The following USP20 variants were observed in gnomAD, a reference collection of about 807,000 sequenced individuals.
USP20 encodes the protein ubiquitin specific peptidase 20, also known as ubiquitin carboxyl-terminal hydrolase 20.
In USP20, 80 loss-of-function variants were observed where a neutral mutation model predicts 124.2. The ratio of observed to expected loss-of-function variants is 0.64; its 90% CI spans 0.54 to 0.78. The LOEUF is 0.78. Ranked by LOEUF, USP20 falls within the 30% of genes least tolerant of loss-of-function variation. The probability of loss-of-function intolerance (pLI) is 0.00; values close to 1 mark genes in which losing one functional copy is unlikely to be tolerated. For missense variants in USP20, 1,043 were observed against 1,244.4 expected (o/e 0.84, Z 2.44); for synonymous variants, 481 against 512.3 (o/e 0.94, Z 0.83).
chr9:129,861,171 T>C, intron 7 of USP20, 138 bp downstream of exon 7: 1 of 830,614 alleles, frequency 1.2e-6, no homozygotes, highest in East Asian at 2.5e-5. Flanking sequence ...ATAAGCTGTT[T>C]AGCATGGTGG....
At chr9:129,870,218 C>G in intron 14 of USP20, 1 of 580,502 alleles carries the variant, frequency 1.7e-6, no homozygotes, top group South Asian at 2.1e-5. Context: ...GTAGCATGAT[C>G]ATGGCCGCAA....
intron 22 of USP20, among the ~76,000 whole-genome samples, chr9:129,876,945 T>A (rs1169233965): frequency 6.6e-6 from 1 of 152,018 alleles, no homozygotes; most frequent in Non-Finnish European, 1.5e-5. Flanking sequence ...TTGCCCAGGG[T>A]CCCCTGGGGT....
rs563244905 is a variant in USP20, at chr9:129,855,357, G to A, written c.82-950G>A. On this transcript the variant is annotated intron_variant, in intron 3 of 25. Transcript: ENST00000372429. ...AAGGCAGGAGAATGGCGTGAACCCC[G>A]GAGGCGGAGTTTGCAGTGAGCCGAG... is the stretch of plus-strand genomic sequence containing the variant. Among the ~76,000 whole-genome samples, 6 of 151,988 alleles carry A rather than the reference G, an allele frequency of 3.9e-5. No homozygotes were observed. The South Asian group carries it at 6.2e-4, about 16-fold the overall frequency.
chr9:129,850,702 C>T (rs1564200218), intron 2 of USP20, among the ~76,000 whole-genome samples: 1 of 152,058 alleles, frequency 6.6e-6, no homozygotes, highest in African/African-American at 2.4e-5. Context: ...GTTGCCTAGG[C>T]TGCGGTTCAA....
At chr9:129,852,692 G>T in intron 3 of USP20, 56 bp downstream of exon 3, 1 of 1,516,568 alleles carries the variant, frequency 6.6e-7, no homozygotes, top group East Asian at 2.4e-5. Context: ...CCTCTTTCCT[G>T]GGGTGTGGAC....
intron 1 of USP20, among the ~76,000 whole-genome samples, chr9:129,848,443 C>T (rs2032711661): frequency 6.6e-6 from 1 of 152,076 alleles, no homozygotes; most frequent in Non-Finnish European, 1.5e-5. Flanking sequence ...TGATTTTTCT[C>T]TCTGAAGTTG....
chr9:129,877,770 G>T (rs1460788471), intron 22 of USP20, among the ~76,000 whole-genome samples: 1 of 152,060 alleles, frequency 6.6e-6, no homozygotes, highest in Non-Finnish European at 1.5e-5. Flanking sequence ...CTATTCAACC[G>T]GAGAAAATTA....
chr9:129,855,173 T>A (rs2033145964), intron 3 of USP20, among the ~76,000 whole-genome samples: 1 of 152,212 alleles, frequency 6.6e-6, no homozygotes, highest in African/African-American at 2.4e-5. Context: ...GGCTCACGCC[T>A]GTAATCCCAG....
intron 19 of USP20, 107 bp downstream of exon 19, chr9:129,875,062 A>G (rs967709972): frequency 6.8e-7 from 1 of 1,470,748 alleles, no homozygotes; most frequent in Non-Finnish European, 9.0e-7. Flanking sequence ...TAAGCCAGGG[A>G]AGTAAGGACT....
At chr9:129,867,121 T>C (rs767362005) in intron 10 of USP20, among the ~76,000 whole-genome samples, 2 of 152,170 alleles carry the variant, frequency 1.3e-5, no homozygotes, top group Non-Finnish European at 2.9e-5. Context: ...GGTCAGGGAC[T>C]GCTGGGGCTG....
At chr9:129,865,789 G>C (rs10217216) in intron 10 of USP20, among the ~76,000 whole-genome samples, 133,388 of 152,068 alleles carry the variant, frequency 0.88, 58,890 homozygotes, top group East Asian at 1. Flanking sequence ...CTCAGGCTCC[G>C]AAAGTGCTGT....
rs554566710 is a variant in USP20, at chr9:129,875,373, G to A, written c.2112G>A (p.Glu704=). The A allele has an allele frequency of 4.4e-5, 71 of 1,613,204 alleles. No homozygotes were observed. The South Asian group carries it at 7.4e-4, about 17-fold the overall frequency. Residue 704 remains glutamate (E), a synonymous_variant, in exon 20 of 26, where the codon GAG becomes GAA. Transcript: ENST00000372429. The part of the protein sequence containing the change: ...QQVVSLAAMR[E]PSLLRFYVSR... The stretch of plus-strand genomic sequence containing the variant: ...TGGTGTCCCTGGCCGCCATGCGGGA[G>A]CCCAGCCTGCTGCGGTTCTACGTGT...
At chr9:129,871,975 C>T (rs4837423) in intron 15 of USP20, among the ~76,000 whole-genome samples, 129,733 of 152,174 alleles carry the variant, frequency 0.85, 56,172 homozygotes, top group East Asian at 1. Context: ...CTTGGTCTCC[C>T]AAAGTGCTGG....
chr9:129,858,015 A>G, intron 4 of USP20, 35 bp from the exon 5 acceptor site: 1 of 1,597,844 alleles, frequency 6.3e-7, no homozygotes, highest in South Asian at 1.1e-5. Flanking sequence ...TCCTTTTGGC[A>G]AGCTCCAGTC....
At chr9:129,858,235 C>G in intron 5 of USP20, 123 bp downstream of exon 5, 1 of 1,198,264 alleles carries the variant, frequency 8.3e-7, no homozygotes, top group South Asian at 1.3e-5. Context: ...CCTAGCATAG[C>G]TTCTGCAAAG....
At chr9:129,858,185 C>G (rs10760638) in intron 5 of USP20, 73 bp downstream of exon 5, 1 of 1,490,660 alleles carries the variant, frequency 6.7e-7, no homozygotes, top group Non-Finnish European at 9.3e-7. Flanking sequence ...TCCACCTTCC[C>G]ACTCTGGGCC....
intron 1 of USP20, among the ~76,000 whole-genome samples, chr9:129,836,015 C>A (rs2031805307): frequency 6.6e-6 from 1 of 152,160 alleles, no homozygotes; most frequent in Non-Finnish European, 1.5e-5. Context: ...AGGGTTTGAG[C>A]CGGGGGACTC....
intron 21 of USP20, among the ~76,000 whole-genome samples, 165 bp from the exon 22 acceptor site, chr9:129,875,965 G>A (rs1469966750): frequency 7.9e-5 from 3 of 37,924 alleles, no homozygotes; most frequent in African/African-American, 2.3e-4. Context: ...CTGTGGGCGC[G>A]CTGCTCCGTT....
intron 1 of USP20, among the ~76,000 whole-genome samples, chr9:129,842,595 G>GT (rs1256157748): frequency 0.032 from 4,460 of 139,318 alleles, 77 homozygotes; most frequent in South Asian, 0.079. Flanking sequence ...GTGTGTGGAA[G>GT]TTTTTTTTTT....
Sources: allele counts gnomAD v4.1 joint callset (sites outside exome capture counted in the v4.1 genomes callset), GRCh38; gene constraint gnomAD v4.1.1; transcripts MANE v1.5; gene names NCBI Gene and HGNC (gene_info 2026-07-23, HGNC 2026-07-21).